The following GALK1 variants were observed in gnomAD, a reference collection of about 807,000 sequenced individuals.
GALK1 encodes galactokinase.
Under a neutral mutation model 38.6 loss-of-function variants are expected in GALK1, and 30 were observed. That is an observed-to-expected ratio of 0.78 (90% CI 0.58 to 1.05). GALK1 has a LOEUF of 1.05. Ranked by LOEUF, GALK1 falls within the 50% of genes least tolerant of loss-of-function variation. The pLI, the probability that GALK1 is intolerant of heterozygous loss-of-function variation, is 0.00. For missense variants in GALK1, 512 were observed against 540.5 expected (o/e 0.95, Z 0.52); for synonymous variants, 240 against 233.6 (o/e 1.03, Z -0.25).
downstream of GALK1, chr17:75,755,571 G>A: frequency 8.5e-7 from 1 of 1,170,832 alleles, no homozygotes; most frequent in Non-Finnish European, 1.2e-6. Flanking sequence ...GTTGCAGGGT[G>A]AGTGAGTTGT....
At chr17:75,761,237 TAAAA>T (rs574483485) in intron 5 of GALK1, among the ~76,000 whole-genome samples, 1 of 151,422 alleles carries the variant, frequency 6.6e-6, no homozygotes, top group Non-Finnish European at 1.5e-5. Flanking sequence ...AAAAGATAAA[TAAAA>T]AAAGTTAATC....
rs765744088 is a variant in GALK1 at position 75,763,348 on chromosome 17, C to G, written c.447G>C (p.Thr149=). The G allele has an allele frequency of 6.2e-7, 1 of 1,613,890 alleles. No individual in the cohort carries two copies. Among genetic ancestry groups the G allele is most frequent in the Admixed American group, 1.7e-5 (1 of 59,996 alleles). The change falls in exon 3 of 8, where the codon ACG becomes ACC. Residue 149 remains threonine, a synonymous_variant. Transcript: ENST00000588479. ...GACAGAGCTGCTGGAGGAAGGTGTACGTGGCCACTTCCAAGGATGCTGAGC... is the reference window on the plus strand; with the variant it reads ...GACAGAGCTGCTGGAGGAAGGTGTAGGTGGCCACTTCCAAGGATGCTGAGC... ...LSSSASLEVA[T]YTFLQQLCPD...
chr17:75,760,902 CTT>C (rs2061584692), intron 5 of GALK1, among the ~76,000 whole-genome samples: 1 of 152,068 alleles, frequency 6.6e-6, no homozygotes, highest in Admixed American at 6.5e-5. Flanking sequence ...GAACCCATCT[CTT>C]TAAAAAATAA....
At chr17:75,759,122 G>C (rs986551974) in intron 5 of GALK1, among the ~76,000 whole-genome samples, 47 of 152,200 alleles carry the variant, frequency 3.1e-4, no homozygotes, top group Non-Finnish European at 1.2e-4. Flanking sequence ...GGGGCAAGTA[G>C]ATTCAAAGGA....
chr17:75,763,174 G>A (rs2061595353), intron 3 of GALK1, 25 bp from the exon 4 acceptor site: 4 of 1,610,506 alleles, frequency 2.5e-6, no homozygotes, highest in Non-Finnish European at 2.5e-6. Flanking sequence ...GAGGTGGGGA[G>A]GCTAGGGCTG....
intron 8 of GALK1, chr17:75,752,196 A>T (rs761318185): frequency 1.2e-6 from 2 of 1,613,854 alleles, no homozygotes; most frequent in Non-Finnish European, 1.7e-6. Flanking sequence ...CCATGAAGAA[A>T]GTGCTGGTTG....
rs752773767 is a variant in GALK1, at chr17:75,764,036, C to T, written c.216G>A (p.Leu72=). The change falls in exon 2 of 8, where the codon CTG becomes CTA. Residue 72 remains leucine, a synonymous_variant. Transcript: ENST00000588479. ...VLVGSPRKDG[L]VSLLTTSEGA... Reference sequence around the variant, plus strand: ...CCTCAGAGGTGGTGAGGAGAGACACCAGCCCATCCTTGCGGGGGCTGCCCA... The same window carrying T: ...CCTCAGAGGTGGTGAGGAGAGACACTAGCCCATCCTTGCGGGGGCTGCCCA... 1.2e-6 allele frequency: 2 copies of T among 1,603,580 alleles called. No individual in the cohort carries two copies. Among genetic ancestry groups the T allele is most frequent in the Non-Finnish European group, 8.5e-7 (1 of 1,176,622 alleles).
rs370987432 is a variant in GALK1, at chr17:75,758,537, G to A, written c.856C>T (p.Arg286Trp). 3.3e-5 allele frequency: 53 copies of A among 1,594,140 alleles called. No individual in the cohort carries two copies. The highest frequency in any genetic ancestry group is 6.7e-5 in the African/African-American group (5 of 74,770). The change falls in exon 6 of 8, where the codon CGG (arginine) becomes TGG (tryptophan). Residue 286 changes from arginine (R) to tryptophan (W), a missense_variant. Physicochemically the swap from Arg to Trp is moderately radical, Grantham distance 101. Coordinates refer to ENST00000588479, the MANE Select transcript of GALK1 (RefSeq NM_000154.2). Reference protein sequence around the residue: ...RRARHVVGEIRRTAQAAAALR... With the variant: ...RRARHVVGEIWRTAQAAAALR... ...GCGGCCGCTGCCTGGGCCGTGCGCC[G>A]AATCTCCCCCACCACGTGCCGGGCC... is the stretch of plus-strand genomic sequence containing the variant.
chr17:75,761,613 C>T (rs2061587474), intron 5 of GALK1, among the ~76,000 whole-genome samples: 1 of 139,982 alleles, frequency 7.1e-6, no homozygotes, highest in Non-Finnish European at 1.5e-5. Context: ...CAAGCCTCCA[C>T]CTCACCAAAA....
rs1489719426 is a variant in GALK1, at chr17:75,764,078, C to T, written c.174G>A (p.Glu58=). Residue 58 remains glutamate (E), a synonymous_variant, in exon 2 of 8, where the codon GAG becomes GAA. Transcript: ENST00000588479. The part of the protein sequence containing the change: ...NQGLVLPMAL[E]LMTVLVGSPR... The stretch of plus-strand genomic sequence containing the variant: ...GGCTGCCCACCAGCACCGTCATGAG[C>T]TCCAGAGCCTGGCAGGAGAGACAAG... 3 of 1,579,930 alleles carry T rather than the reference C, an allele frequency of 1.9e-6. No homozygotes were observed. Among genetic ancestry groups the T allele is most frequent in the Non-Finnish European group, 2.6e-6 (3 of 1,166,238 alleles).
chr17:75,763,702 C>T (rs1339745203), intron 2 of GALK1, 195 bp downstream of exon 2: 1 of 712,806 alleles, frequency 1.4e-6, no homozygotes, highest in African/African-American at 1.8e-5. Flanking sequence ...CAAATCCTGG[C>T]TCCTCCAATC....
intron 8 of GALK1, among the ~76,000 whole-genome samples, chr17:75,752,760 G>GAC (rs979575628): frequency 2.6e-5 from 4 of 152,194 alleles, no homozygotes; most frequent in Non-Finnish European, 5.9e-5. Flanking sequence ...CTGGGGGACA[G>GAC]ACACACACAG....
At chr17:75,757,875 G>T, downstream of GALK1, 1 of 737,052 alleles carries the variant, frequency 1.4e-6, no homozygotes, top group Non-Finnish European at 2.3e-6. Flanking sequence ...GGGTAGGGGA[G>T]CGGTTCTGAC....
At position 75,763,801 on chromosome 17, in the gene GALK1, T is replaced by C. The variant is rs1028213345; in HGVS notation, c.355+96A>G. The C allele has an allele frequency of 4.9e-6, 6 of 1,213,476 alleles. No individual in the cohort carries two copies. The African/African-American group carries it at 8.9e-5, about 18-fold the overall frequency. 75.2% of individuals were successfully genotyped at this position (1,213,476 alleles called of 1,614,324 possible). ...AATGGGATGCTCCACTCTACAAGCC[T>C]TCCCCACAGTGTATCAGACAAATGA... On this transcript the variant is annotated intron_variant, in intron 2 of 7. Coordinates refer to ENST00000588479, the MANE Select transcript of GALK1 (RefSeq NM_000154.2).
chr17:75,759,884 G>T (rs1441525664), intron 5 of GALK1, among the ~76,000 whole-genome samples: 2 of 152,186 alleles, frequency 1.3e-5, no homozygotes, highest in East Asian at 3.9e-4. Flanking sequence ...TCAAGAGCAT[G>T]GGCCCTGGAG....
downstream of GALK1, chr17:75,757,794 TTAA>T: frequency 1.5e-6 from 1 of 669,218 alleles, no homozygotes. Flanking sequence ...TGTTCTGCAC[TTAA>T]TAAATGGTTT....
At chr17:75,756,959 C>T (rs751358870), downstream of GALK1, 1 of 1,612,664 alleles carries the variant, frequency 6.2e-7, no homozygotes, top group Non-Finnish European at 8.5e-7. Flanking sequence ...CCACCGCATT[C>T]CGGGTGGATG....
intron 8 of GALK1, chr17:75,752,405 G>C (rs375297670): frequency 6.2e-7 from 1 of 1,612,700 alleles, no homozygotes; most frequent in Non-Finnish European, 8.5e-7. Flanking sequence ...GGGGGGCAGG[G>C]GGCAGCAGCC....
downstream of GALK1, chr17:75,757,117 T>C (rs199732130): frequency 6.2e-7 from 1 of 1,612,858 alleles, no homozygotes. Flanking sequence ...GGTAGGCACC[T>C]GTCCTTTCCT....
Sources: allele counts gnomAD v4.1 joint callset (sites outside exome capture counted in the v4.1 genomes callset), GRCh38; gene constraint gnomAD v4.1.1; transcripts MANE v1.5; gene names NCBI Gene and HGNC (gene_info 2026-07-23, HGNC 2026-07-21).